Variants in FMNL1 observed in about 807,000 individuals in gnomAD.
FMNL1 encodes the protein formin like 1.
A neutral mutation model predicts 121.3 loss-of-function variants in FMNL1; 43 were observed. The observed-to-expected ratio is 0.35, with a 90% CI of 0.28 to 0.46. FMNL1 has a LOEUF of 0.46. FMNL1 is among the 20% of genes least tolerant of loss of function. The pLI, the probability that FMNL1 is intolerant of heterozygous loss-of-function variation, is 1.00. For missense variants in FMNL1, 1,191 were observed against 1,482.4 expected, an observed-to-expected ratio of 0.80 and a Z score of 3.23; for synonymous variants, 613 against 613.5, an observed-to-expected ratio of 1.00 and a Z score of 0.01.
At chr17:45,239,498 T>G (rs1335925147) in intron 11 of FMNL1, among the ~76,000 whole-genome samples, 2 of 152,190 alleles carry the variant, frequency 1.3e-5, no homozygotes, top group Non-Finnish European at 2.9e-5. Flanking sequence ...AGGAGTTCCC[T>G]GCCCTGGGGA....
In FMNL1 at chr17:45,222,108, G is replaced by A. The variant is rs1275940436; in HGVS notation, c.-17G>A. On this transcript the variant is annotated 5_prime_UTR_variant, in exon 1 of 27. Coordinates refer to ENST00000331495, the MANE Select transcript of FMNL1 (RefSeq NM_005892.4). ...TTCCGAGGCTGGAGGCGCCTGGCCG[G>A]CTGGGTGGGGACCACCATGGGCAAC... 1 of 1,151,122 alleles carries A rather than the reference G, an allele frequency of 8.7e-7. No homozygotes were observed. The highest frequency in any genetic ancestry group is 1.1e-6 in the Non-Finnish European group (1 of 936,778). 71.3% of individuals were successfully genotyped at this position (1,151,122 alleles called of 1,614,324 possible). A position where few individuals can be genotyped will look rare whatever the true frequency, so the allele number is the denominator to read the frequency against.
In FMNL1 at chr17:45,237,321, A is replaced by G. The variant is rs2043572694; in HGVS notation, c.764A>G (p.Asn255Ser). ...GTCATGAACCACCCAGCCTGTGTCAATGAGATTGCTCTGAGCCTCAACAAC... is the reference window on the plus strand; with the variant it reads ...GTCATGAACCACCCAGCCTGTGTCAGTGAGATTGCTCTGAGCCTCAACAAC... Reference protein sequence around the residue: ...SLVMNHPACVNEIALSLNNKN... With the variant: ...SLVMNHPACVSEIALSLNNKN... Residue 255 changes from asparagine (N) to serine (S), a missense_variant, in exon 8 of 27, where the codon AAT (asparagine) becomes AGT (serine). By Grantham distance (46) the Asn-to-Ser change is conservative. Transcript: ENST00000331495. This position sits in a 1 kb window ranked among gnomAD's most constrained non-coding sequence, Gnocchi z 4.4. 6 of 1,614,140 alleles carry G rather than the reference A, an allele frequency of 3.7e-6. No homozygotes were observed. Among genetic ancestry groups the G allele is most frequent in the Middle Eastern group, 1.6e-4 (1 of 6,062 alleles).
intron 1 of FMNL1, among the ~76,000 whole-genome samples, chr17:45,223,493 G>A (rs2043270303): frequency 6.6e-6 from 1 of 152,190 alleles, no homozygotes; most frequent in Non-Finnish European, 1.5e-5. Flanking sequence ...GGTGGCGAGG[G>A]ATCCATCCTT....
Position 45,244,038 on chromosome 17 carries a change from C to T in FMNL1, c.2448+13C>T, listed in dbSNP as rs373504933. 4.2e-5 allele frequency: 67 copies of T among 1,600,180 alleles called. No homozygotes were observed. The East Asian group carries it at 4.9e-4, about 12-fold the overall frequency. The stretch of plus-strand genomic sequence containing the variant: ...GCTGCTCATGCCGGTGTGGGCGGAG[C>T]GGGCAGGGCGGTGTGACTTGGGAGG... On this transcript the variant is annotated intron_variant, in intron 18 of 26. Coordinates refer to ENST00000331495, the MANE Select transcript of FMNL1 (RefSeq NM_005892.4).
intron 7 of FMNL1, 86 bp downstream of exon 7, chr17:45,236,330 C>T: frequency 8.8e-7 from 1 of 1,131,248 alleles, no homozygotes; most frequent in East Asian, 2.5e-5. Context: ...CTCTGGGATC[C>T]ACTGTCCCTT....
At chr17:45,236,375 G>C in intron 7 of FMNL1, 131 bp downstream of exon 7, 1 of 710,050 alleles carries the variant, frequency 1.4e-6, no homozygotes, top group East Asian at 2.8e-5. Context: ...TGCGCATCTG[G>C]GCTGTTGGCT....
At chr17:45,240,994 C>T in intron 12 of FMNL1, 135 bp from the exon 13 acceptor site, 8 of 1,127,246 alleles carry the variant, frequency 7.1e-6, no homozygotes, top group Non-Finnish European at 9.0e-6. Context: ...AGGCTCGGCC[C>T]ACCCTTGGCA....
In FMNL1 at chr17:45,246,560, C is replaced by G; in HGVS notation, c.3267C>G (p.Leu1089=). ...ARTGKRTSRL[L]CEASLGEEMP... ...CCGGCAAGCGGACATCCCGGCTCCT[C>G]TGTGAGGCCAGCCTGGGAGAAGAGA... The change falls in exon 26 of 27, where the codon CTC becomes CTG. Residue 1089 remains leucine (L), a synonymous_variant. Coordinates refer to ENST00000331495, the MANE Select transcript of FMNL1 (RefSeq NM_005892.4). 4 of 1,612,682 alleles carry G rather than the reference C, an allele frequency of 2.5e-6. No homozygotes were observed. Among genetic ancestry groups the G allele is most frequent in the Non-Finnish European group, 3.4e-6 (4 of 1,178,802 alleles).
chr17:45,246,361 C>T (rs900977252), intron 25 of FMNL1, 31 bp downstream of exon 25: 3 of 1,614,084 alleles, frequency 1.9e-6, no homozygotes, highest in Non-Finnish European at 2.5e-6. Flanking sequence ...TGGTCTTATC[C>T]TCAGTCTGTC....
chr17:45,245,211 T>G (rs1410553481), intron 21 of FMNL1, 42 bp from the exon 22 acceptor site: 2 of 1,613,144 alleles, frequency 1.2e-6, no homozygotes, highest in Non-Finnish European at 1.7e-6. Context: ...GAGGGCTGCC[T>G]CTCCGATTCA....
chr17:45,242,254 C>T (rs2043722916), intron 15 of FMNL1, 87 bp from the exon 16 acceptor site: 7 of 1,581,612 alleles, frequency 4.4e-6, no homozygotes, highest in African/African-American at 1.3e-5. Context: ...CTGCTGCCTC[C>T]TGGCTGCCCC....
Position 45,242,128 on chromosome 17 carries a change from G to A in FMNL1, c.1867G>A (p.Asp623Asn). 2 of 1,539,852 alleles carry A rather than the reference G, an allele frequency of 1.3e-6. No individual in the cohort carries two copies. The highest frequency in any genetic ancestry group is 1.2e-5 in the South Asian group (1 of 83,574). The change falls in exon 15 of 27, where the codon GAC (aspartate) becomes AAC (asparagine). Residue 623 changes from aspartate to asparagine, a missense_variant. Transcript: ENST00000331495. Reference sequence around the variant, plus strand: ...TCCTCCTGATGCCCTAGGAAGACGCGACTCAGAATTGGGCCCAGGTGAGTG... The same window carrying A: ...TCCTCCTGATGCCCTAGGAAGACGCAACTCAGAATTGGGCCCAGGTGAGTG... ...GGPPDALGRR[D>N]SELGPGVKAK...
intron 1 of FMNL1, among the ~76,000 whole-genome samples, chr17:45,228,482 TCTC>T (rs2043374095): frequency 6.6e-6 from 1 of 152,154 alleles, no homozygotes; most frequent in South Asian, 2.1e-4. Context: ...CCAGCCCAGC[TCTC>T]CTCTTACTGG....
At chr17:45,226,251 C>A (rs889364859) in intron 1 of FMNL1, among the ~76,000 whole-genome samples, 5 of 152,202 alleles carry the variant, frequency 3.3e-5, no homozygotes, top group African/African-American at 1.2e-4. Flanking sequence ...ATGGTGCTAA[C>A]GGTAGCAGTG....
At chr17:45,243,394 T>C in intron 17 of FMNL1, 74 bp downstream of exon 17, 1 of 1,523,692 alleles carries the variant, frequency 6.6e-7, no homozygotes, top group Admixed American at 1.9e-5. Context: ...CAGATCCTAG[T>C]AAAAGAGCCT....
At chr17:45,245,593 A>G (rs747985380) in intron 22 of FMNL1, 39 bp from the exon 23 acceptor site, 1 of 1,610,756 alleles carries the variant, frequency 6.2e-7, no homozygotes, top group African/African-American at 1.3e-5. Flanking sequence ...ACAGGCTGTG[A>G]GAGGTCTAAG....
In FMNL1 at chr17:45,240,487, C is replaced by A; in HGVS notation, c.1092C>A (p.Leu364=). 6.2e-7 allele frequency: 1 copy of A among 1,612,524 alleles called. No individual in the cohort carries two copies. Among genetic ancestry groups the A allele is most frequent in the South Asian group, 1.1e-5 (1 of 90,968 alleles). Residue 364 remains leucine (L), a synonymous_variant, in exon 12 of 27, where the codon CTC becomes CTA. Coordinates refer to ENST00000331495, the MANE Select transcript of FMNL1 (RefSeq NM_005892.4). The stretch of plus-strand genomic sequence containing the variant: ...CATCTGGGGGACAGAGGCTTCGGCT[C>A]ACCGAGAGTGACAAGCTGCAGGTGC... The part of the protein sequence containing the change: ...GLDLYLERLR[L]TESDKLQVQI...
At chr17:45,239,400 G>A (rs997517532) in intron 11 of FMNL1, among the ~76,000 whole-genome samples, 1 of 152,220 alleles carries the variant, frequency 6.6e-6, no homozygotes, top group Admixed American at 6.5e-5. Flanking sequence ...GCCTCAGACA[G>A]GTGCTCTGAC....
At chr17:45,239,332 G>GT (rs1382149920) in intron 11 of FMNL1, 1 of 449,056 alleles carries the variant, frequency 2.2e-6, no homozygotes, top group Non-Finnish European at 4.1e-6. Flanking sequence ...CTATGGAACT[G>GT]TTTTTGCAGG....
Sources: gnomAD v4.1 joint callset for allele counts (sites outside exome capture counted in the v4.1 genomes callset) on GRCh38, gnomAD v4.1.1 for gene constraint, Gnocchi (gnomAD v3.1) non-coding constraint, MANE v1.5 for transcripts, NCBI Gene and HGNC (gene_info 2026-07-23, HGNC 2026-07-21) for gene names.